The following TCF20 variants were observed in gnomAD, a reference collection of about 807,000 sequenced individuals.
The protein encoded by TCF20 is SPRE-binding protein.
In TCF20, 3 loss-of-function variants were observed where a neutral mutation model predicts 148.6. That is an observed-to-expected ratio of 0.02 (90% CI 0.01 to 0.05). The LOEUF is 0.05. TCF20 is among the 10% of genes least tolerant of loss of function. The probability of loss-of-function intolerance (pLI) is 1.00; values close to 1 mark genes in which losing one functional copy is unlikely to be tolerated. For missense variants in TCF20, 2,350 were observed against 2,429.3 expected (o/e 0.97, Z 0.69); for synonymous variants, 1,049 against 909.5 (o/e 1.15, Z -2.76).
rs1569153759 is a variant in TCF20, at chr22:42,214,638, C to G, written c.668G>C (p.Gly223Ala). The stretch of plus-strand genomic sequence containing the variant: ...AAACTGACCCACTCTTAACTGGTAA[C>G]CAGCAGCAGAGGATGGCAGAGTTGA... ...RPSTLPSSAA[G>A]YQLRVGQFGQ... Residue 223 changes from glycine to alanine, a missense_variant, in exon 2 of 6, where the codon GGT becomes GCT. Physicochemically the swap from Gly to Ala is moderately conservative, Grantham distance 60 (BLOSUM62 0). Transcript: ENST00000677622. 2 of 1,614,128 alleles carry G rather than the reference C, an allele frequency of 1.2e-6. No individual in the cohort carries two copies. Among genetic ancestry groups the G allele is most frequent in the South Asian group, 1.1e-5 (1 of 91,078 alleles).
intron 1 of TCF20, among the ~76,000 whole-genome samples, chr22:42,225,951 T>C (rs1418579022): frequency 1.3e-5 from 2 of 152,340 alleles, no homozygotes; most frequent in Non-Finnish European, 2.9e-5. Flanking sequence ...AGGCCTATTA[T>C]TAGGCATAAT....
chr22:42,334,743 G>A (rs1260955887), intron 1 of TCF20, among the ~76,000 whole-genome samples: 1 of 152,234 alleles, frequency 6.6e-6, no homozygotes. Flanking sequence ...AGATGAGGAC[G>A]CTGAGGCTCA....
chr22:42,176,628 C>T (rs1437289327), intron 3 of TCF20, among the ~76,000 whole-genome samples: 1 of 152,216 alleles, frequency 6.6e-6, no homozygotes, highest in African/African-American at 2.4e-5. Context: ...CCTTCTCTCA[C>T]CACTTTTCCT....
Position 42,338,229 on chromosome 22 carries a change from G to A in TCF20, c.-37+5250C>T, listed in dbSNP as rs1036217332. Reference sequence around the variant, plus strand: ...ATCCCCTCGCAGCTGGGTCCCCAGTGCCCGCTCCGTGACAGCCCCAGAAGA... The same window carrying A: ...ATCCCCTCGCAGCTGGGTCCCCAGTACCCGCTCCGTGACAGCCCCAGAAGA... On this transcript the variant is annotated intron_variant, in intron 1 of 1. Coordinates refer to the TCF20 transcript ENST00000515426. This position sits in a 1 kb window ranked among gnomAD's most constrained non-coding sequence, Gnocchi z 4.0. Among the ~76,000 whole-genome samples, 1 of 152,250 alleles carries A rather than the reference G, an allele frequency of 6.6e-6. No homozygotes were observed. Among genetic ancestry groups the A allele is most frequent in the Admixed American group, 6.5e-5 (1 of 15,284 alleles).
intron 2 of TCF20, among the ~76,000 whole-genome samples, chr22:42,198,577 A>G (rs982939078): frequency 1.3e-5 from 2 of 152,180 alleles, no homozygotes; most frequent in Non-Finnish European, 2.9e-5. Flanking sequence ...AGCTAATGCT[A>G]TGCAAAGTTG....
chr22:42,328,648 C>A (rs1204060342), intron 1 of TCF20, among the ~76,000 whole-genome samples: 2 of 152,254 alleles, frequency 1.3e-5, no homozygotes, highest in Non-Finnish European at 2.9e-5. Context: ...CCTCTCTGTG[C>A]CTCCGTTTCC....
intron 2 of TCF20, among the ~76,000 whole-genome samples, chr22:42,199,929 TA>T (rs1278866925): frequency 2.0e-5 from 3 of 146,500 alleles, no homozygotes; most frequent in Non-Finnish European, 1.5e-5. Context: ...GATGATAGCT[TA>T]AATTTTTTTG....
chr22:42,189,681 C>T (rs959522308), intron 2 of TCF20, among the ~76,000 whole-genome samples: 1 of 152,178 alleles, frequency 6.6e-6, no homozygotes, highest in African/African-American at 2.4e-5. Flanking sequence ...CTAAAACTTG[C>T]TTTTTAAAAT....
intron 3 of TCF20, among the ~76,000 whole-genome samples, chr22:42,175,865 T>C (rs1202740229): frequency 6.6e-6 from 1 of 152,158 alleles, no homozygotes; most frequent in East Asian, 1.9e-4. Flanking sequence ...TGGAGTGCAG[T>C]GGCCCAACTG....
chr22:42,273,128 G>T (rs1188607223), upstream of TCF20, among the ~76,000 whole-genome samples: 1 of 101,472 alleles, frequency 9.9e-6, no homozygotes, highest in Non-Finnish European at 2.3e-5. Flanking sequence ...GGGAGGCCAA[G>T]GGGGGTGTAT....
chr22:42,313,591 TTC>T (rs1052734556), intron 1 of TCF20, among the ~76,000 whole-genome samples: 2 of 122,050 alleles, frequency 1.6e-5, no homozygotes, highest in Non-Finnish European at 3.3e-5. Flanking sequence ...CTCAACAGAA[TTC>T]TTTCTTTTTT....
chr22:42,213,773 C>T lies in TCF20; in HGVS notation c.1533G>A (p.Leu511=), dbSNP rs534377482. ...SEGSSQPEEQ[L]KSPMAESLDG... ...CTAATGACTCTGCCATAGGGGACTT[C>T]AGCTGTTCTTCAGGTTGTGAGGAGC... Residue 511 remains leucine, a synonymous_variant, in exon 2 of 6, where the codon CTG becomes CTA. Transcript: ENST00000677622. The T allele has an allele frequency of 6.2e-7, 1 of 1,614,136 alleles. No individual in the cohort carries two copies. The highest frequency in any genetic ancestry group is 2.2e-5 in the East Asian group (1 of 44,870).
At chr22:42,283,850 GCCCTTGCCCCAGAC>G (rs1294330875) in exon 1 of TCF20, among the ~76,000 whole-genome samples, 1 of 152,210 alleles carries the variant, frequency 6.6e-6, no homozygotes, top group Non-Finnish European at 1.5e-5. Flanking sequence ...TCCTTCCCTG[GCCCTTGCCCCAGAC>G]CCCTTGCCAG....
chr22:42,166,865 T>C (rs558536924), intron 5 of TCF20, among the ~76,000 whole-genome samples: 1 of 152,226 alleles, frequency 6.6e-6, no homozygotes, highest in African/African-American at 2.4e-5. Flanking sequence ...ACTCTAACCA[T>C]CTTGGCCTGT....
At chr22:42,302,217 T>C (rs1447298650) in intron 1 of TCF20, among the ~76,000 whole-genome samples, 1 of 152,142 alleles carries the variant, frequency 6.6e-6, no homozygotes, top group Non-Finnish European at 1.5e-5. Flanking sequence ...ATGGGGAAAC[T>C]GAGACCGGGG....
chr22:42,240,932 T>G (rs1258644170), intron 1 of TCF20, among the ~76,000 whole-genome samples: 1 of 152,038 alleles, frequency 6.6e-6, no homozygotes, highest in East Asian at 1.9e-4. Flanking sequence ...CTCAGTTCAC[T>G]GCGACCTCCG....
intron 1 of TCF20, among the ~76,000 whole-genome samples, chr22:42,265,369 C>G (rs1237345939): frequency 6.6e-6 from 1 of 152,116 alleles, no homozygotes; most frequent in African/African-American, 2.4e-5. Context: ...AGTACAATGG[C>G]AACAACATGG....
chr22:42,275,412 C>G (rs1236657661), upstream of TCF20, among the ~76,000 whole-genome samples: 1 of 152,192 alleles, frequency 6.6e-6, no homozygotes, highest in Non-Finnish European at 1.5e-5. Context: ...ACGGGAAGCC[C>G]GTGCAACCTG....
Position 42,212,661 on chromosome 22 carries a change from G to C in TCF20, c.2645C>G (p.Ala882Gly). 1.9e-6 allele frequency: 3 copies of C among 1,614,160 alleles called. No homozygotes were observed. The highest frequency in any genetic ancestry group is 2.5e-6 in the Non-Finnish European group (3 of 1,180,022). The change falls in exon 2 of 6, where the codon GCT (alanine) becomes GGT (glycine). Residue 882 changes from alanine (A) to glycine (G), a missense_variant. Around this residue, in one of 7 missense-constraint regions of TCF20, gnomAD observed 1,641 missense variants for 1,662.6 expected, o/e 0.99. Transcript: ENST00000677622. ...PLRQIVRDPG[A>G]HSLGHMSADT... ...GGCACTCATGTGTCCCAGTGAGTGA[G>C]CCCCTGGGTCCCTGACAATCTGTCT...
Sources: allele counts gnomAD v4.1 joint callset (sites outside exome capture counted in the v4.1 genomes callset), GRCh38; gene constraint gnomAD v4.1.1; regional missense constraint gnomAD v4.1.1; non-coding constraint Gnocchi (gnomAD v3.1); transcripts MANE v1.5; gene names NCBI Gene and HGNC (gene_info 2026-07-23, HGNC 2026-07-21).